The following CACNA2D1 variants were observed in gnomAD, a reference collection of about 807,000 sequenced individuals.
CACNA2D1 encodes voltage-dependent calcium channel subunit alpha-2/delta-1.
In CACNA2D1, 53 loss-of-function variants were observed where a neutral mutation model predicts 171.5. The observed-to-expected ratio is 0.31, with a 90% CI of 0.25 to 0.39. The LOEUF is 0.39. Among genes scored for constraint, CACNA2D1 ranks in the 10% least tolerant of loss-of-function variants. CACNA2D1 has a pLI of 1.00. For missense variants in CACNA2D1, 903 were observed against 1,299.8 expected, an observed-to-expected ratio of 0.69 and a Z score of 4.69; for synonymous variants, 442 against 443.1, an observed-to-expected ratio of 1.00 and a Z score of 0.03.
chr7:82,225,724 A>G (rs1182173039), intron 3 of CACNA2D1, among the ~76,000 whole-genome samples: 1 of 152,174 alleles, frequency 6.6e-6, no homozygotes, highest in Admixed American at 6.5e-5. Flanking sequence ...TCCAACCTCT[A>G]TTAGATGGCA....
At chr7:82,121,008 T>C (rs1481655125) in intron 5 of CACNA2D1, among the ~76,000 whole-genome samples, 1 of 152,112 alleles carries the variant, frequency 6.6e-6, no homozygotes, top group Non-Finnish European at 1.5e-5. Flanking sequence ...TAATTAAAGA[T>C]TGTTACCAGG....
chr7:81,962,326 G>A, intron 35 of CACNA2D1, 114 bp downstream of exon 35: 1 of 819,162 alleles, frequency 1.2e-6, no homozygotes, highest in Non-Finnish European at 2.0e-6. Context: ...TTATGAGATG[G>A]GTGACCTGTT....
chr7:81,974,120 T>C (rs2130495341), intron 25 of CACNA2D1, among the ~76,000 whole-genome samples: 1 of 152,112 alleles, frequency 6.6e-6, no homozygotes, highest in South Asian at 2.1e-4. Flanking sequence ...CGTTTTCCTC[T>C]ACCAGGCAAA....
intron 6 of CACNA2D1, among the ~76,000 whole-genome samples, chr7:82,092,239 T>A (rs1406986487): frequency 6.6e-6 from 1 of 152,256 alleles, no homozygotes; most frequent in African/African-American, 2.4e-5. Flanking sequence ...TCATAAGATA[T>A]TCTTCATTAG....
intron 3 of CACNA2D1, among the ~76,000 whole-genome samples, chr7:82,302,645 G>T (rs77279606): frequency 6.6e-6 from 1 of 151,918 alleles, no homozygotes; most frequent in African/African-American, 2.4e-5. Flanking sequence ...ACTCCCGACC[G>T]ACCTCATGTG....
chr7:82,103,172 G>C (rs1184265987), intron 6 of CACNA2D1, among the ~76,000 whole-genome samples: 9 of 152,094 alleles, frequency 5.9e-5, no homozygotes, highest in African/African-American at 1.9e-4. Context: ...GCTGGGCATG[G>C]TGGCAGGCGC....
chr7:82,223,590 T>A (rs1038594387), intron 3 of CACNA2D1, among the ~76,000 whole-genome samples: 3 of 152,212 alleles, frequency 2.0e-5, no homozygotes, highest in Non-Finnish European at 4.4e-5. Context: ...TAATACATCC[T>A]GTTTCAGGCT....
At chr7:82,442,188 T>C (rs1164150474) in intron 1 of CACNA2D1, among the ~76,000 whole-genome samples, 1 of 152,226 alleles carries the variant, frequency 6.6e-6, no homozygotes, top group African/African-American at 2.4e-5. Context: ...AACTGAATCT[T>C]AAATAATAGC....
intron 1 of CACNA2D1, among the ~76,000 whole-genome samples, chr7:82,440,660 T>C (rs997207434): frequency 9.9e-5 from 15 of 151,838 alleles, no homozygotes; most frequent in African/African-American, 3.4e-4. Context: ...GTGTTAACTC[T>C]TAGAACAGGT....
intron 3 of CACNA2D1, among the ~76,000 whole-genome samples, chr7:82,292,600 C>T (rs910329061): frequency 3.9e-5 from 6 of 152,130 alleles, no homozygotes; most frequent in African/African-American, 1.4e-4. Context: ...TTCACATTGT[C>T]TTTAGCTTCC....
intron 1 of CACNA2D1, among the ~76,000 whole-genome samples, chr7:82,363,254 CTTTTTTTT>C (rs35419275): frequency 1.4e-3 from 90 of 63,430 alleles, no homozygotes; most frequent in African/African-American, 7.2e-3. Context: ...TTATTTGTCT[CTTTTTTTT>C]TTTTTTTTTT....
chr7:82,167,073 T>C (rs1795531247), intron 4 of CACNA2D1, among the ~76,000 whole-genome samples: 2 of 152,088 alleles, frequency 1.3e-5, no homozygotes, highest in East Asian at 3.9e-4. Context: ...GAAATGTTAA[T>C]GTACCTTTTA....
At chr7:82,351,908 T>C (rs1252580723) in intron 1 of CACNA2D1, among the ~76,000 whole-genome samples, 4 of 152,200 alleles carry the variant, frequency 2.6e-5, no homozygotes, top group Non-Finnish European at 1.5e-5. Context: ...TCAAATATAA[T>C]TTCCAACACT....
chr7:81,957,317 A>G (rs1364612079), intron 38 of CACNA2D1, among the ~76,000 whole-genome samples: 1 of 152,142 alleles, frequency 6.6e-6, no homozygotes. Flanking sequence ...GAAATCAGCT[A>G]TTTACAAAAC....
intron 3 of CACNA2D1, among the ~76,000 whole-genome samples, chr7:82,182,343 G>A (rs1374122978): frequency 6.6e-6 from 1 of 152,066 alleles, no homozygotes; most frequent in Non-Finnish European, 1.5e-5. Context: ...AATATGGAAA[G>A]GCCCCATCTC....
intron 6 of CACNA2D1, among the ~76,000 whole-genome samples, chr7:82,113,715 T>C (rs1159116578): frequency 6.6e-6 from 1 of 152,174 alleles, no homozygotes; most frequent in African/African-American, 2.4e-5. Flanking sequence ...CCGAGAACAA[T>C]CCTCTAAATC....
chr7:82,192,460 TTGTGTGTG>T (rs200160135), intron 3 of CACNA2D1, among the ~76,000 whole-genome samples: 16,460 of 136,378 alleles, frequency 0.12, 969 homozygotes, highest in Middle Eastern at 0.16. Flanking sequence ...GTGTTTGTGT[TTGTGTGTG>T]TGTGTGTGTG....
At chr7:82,057,274 CT>C (rs748714533) in intron 10 of CACNA2D1, among the ~76,000 whole-genome samples, 3 of 152,250 alleles carry the variant, frequency 2.0e-5, no homozygotes, top group South Asian at 4.1e-4. Context: ...CTCCACCCCC[CT>C]GGCTTTGCCC....
At chr7:82,360,622 G>T (rs1005156732) in intron 1 of CACNA2D1, among the ~76,000 whole-genome samples, 1 of 152,114 alleles carries the variant, frequency 6.6e-6, no homozygotes, top group Non-Finnish European at 1.5e-5. Context: ...TGGAGAGACA[G>T]CCCTGATATG....
Sources: gnomAD v4.1 joint callset for allele counts (sites outside exome capture counted in the v4.1 genomes callset) on GRCh38, gnomAD v4.1.1 for gene constraint, MANE v1.5 for transcripts, NCBI Gene and HGNC (gene_info 2026-07-23, HGNC 2026-07-21) for gene names.